The following ADAM22 variants were observed in gnomAD, a reference collection of about 807,000 sequenced individuals.
The protein encoded by ADAM22 is disintegrin and metalloproteinase domain-containing protein 22.
In ADAM22, 65 loss-of-function variants were observed where a neutral mutation model predicts 144.6. The observed-to-expected ratio is 0.45, with a 90% CI of 0.37 to 0.55. ADAM22 has a LOEUF of 0.55. Among genes scored for constraint, ADAM22 ranks in the 20% least tolerant of loss-of-function variants. The pLI is 0.00. For synonymous variants in ADAM22, 391 were observed against 412.6 expected (o/e 0.95, Z 0.63); for missense variants, 974 against 1,184.9 (o/e 0.82, Z 2.61).
intron 3 of ADAM22, among the ~76,000 whole-genome samples, chr7:88,013,340 TAATGACTTCTA>T (rs1339626746): frequency 1.2e-4 from 18 of 152,330 alleles, no homozygotes; most frequent in East Asian, 9.6e-4. Context: ...AAAATGAGGG[TAATGACTTCTA>T]AGCTCCTTAC....
intron 3 of ADAM22, among the ~76,000 whole-genome samples, chr7:87,981,653 A>C (rs1177218937): frequency 1.3e-5 from 2 of 152,126 alleles, no homozygotes; most frequent in African/African-American, 4.8e-5. Flanking sequence ...TAGAGAAAGC[A>C]TTTCCAATTA....
intron 3 of ADAM22, among the ~76,000 whole-genome samples, chr7:88,056,735 A>C (rs1353346164): frequency 2.0e-5 from 3 of 152,246 alleles, no homozygotes; most frequent in African/African-American, 4.8e-5. Context: ...TTCCACAAGA[A>C]AATTCACTCC....
intron 2 of ADAM22, among the ~76,000 whole-genome samples, chr7:87,971,840 A>G (rs930088475): frequency 1.3e-5 from 2 of 152,220 alleles, no homozygotes; most frequent in Non-Finnish European, 2.9e-5. Context: ...AAGCCTGATA[A>G]TATAGCAACT....
chr7:88,061,825 TTCTC>T (rs1280406569), intron 3 of ADAM22, among the ~76,000 whole-genome samples: 6 of 149,878 alleles, frequency 4.0e-5, no homozygotes, highest in South Asian at 2.1e-4. Context: ...TTCTCTTTCT[TTCTC>T]TCTCTCTCTC....
chr7:88,168,832 G>A (rs1333824593), intron 25 of ADAM22, among the ~76,000 whole-genome samples: 3 of 152,080 alleles, frequency 2.0e-5, no homozygotes, highest in East Asian at 1.9e-4. Context: ...CAGGCCTGGG[G>A]TTTTTCTCCA....
intron 29 of ADAM22, among the ~76,000 whole-genome samples, chr7:88,182,844 A>G (rs928322832): frequency 6.6e-6 from 1 of 151,964 alleles, no homozygotes; most frequent in Admixed American, 6.6e-5. Flanking sequence ...TACCCATTCT[A>G]TTTTATCCTT....
chr7:88,131,439 C>T lies in ADAM22; in HGVS notation c.992+4C>T, dbSNP rs199689664. The T allele has an allele frequency of 2.4e-5, 39 of 1,613,202 alleles. No homozygotes were observed. The highest frequency in any genetic ancestry group is 1.7e-4 in the Middle Eastern group (1 of 6,056). ...GTGATGCAGTTCACCTTTTTTCGTACGTAACTTCTGTAATGATGTATTACT... is the reference window on the plus strand; with the variant it reads ...GTGATGCAGTTCACCTTTTTTCGTATGTAACTTCTGTAATGATGTATTACT... On this transcript the variant is annotated splice_donor_region_variant and intron_variant, in intron 11 of 31. Coordinates refer to ENST00000413139, the MANE Select transcript of ADAM22 (RefSeq NM_001324418.2).
chr7:87,963,243 C>A (rs1848359643), intron 2 of ADAM22, among the ~76,000 whole-genome samples: 1 of 152,044 alleles, frequency 6.6e-6, no homozygotes, highest in Non-Finnish European at 1.5e-5. Flanking sequence ...CTAAGGATGG[C>A]CCTTCAGGGA....
At chr7:87,975,189 G>T (rs1362523876) in intron 2 of ADAM22, among the ~76,000 whole-genome samples, 1 of 152,132 alleles carries the variant, frequency 6.6e-6, no homozygotes, top group Non-Finnish European at 1.5e-5. Flanking sequence ...GGCCTTCTGA[G>T]ACACCCTTAG....
intron 3 of ADAM22, among the ~76,000 whole-genome samples, chr7:88,011,114 A>G (rs185766076): frequency 6.6e-6 from 1 of 152,254 alleles, no homozygotes; most frequent in Non-Finnish European, 1.5e-5. Flanking sequence ...GAATATAATT[A>G]GGAAAGCTAG....
chr7:88,171,491 A>G (rs1413203948), intron 25 of ADAM22, 53 bp from the exon 26 acceptor site: 2 of 1,534,480 alleles, frequency 1.3e-6, no homozygotes, highest in Non-Finnish European at 1.8e-6. Flanking sequence ...ATGTCCTTCC[A>G]GAGGTAACTA....
intron 1 of ADAM22, 60 bp downstream of exon 1, chr7:87,934,610 C>T (rs928443899): frequency 7.3e-6 from 11 of 1,503,714 alleles, no homozygotes; most frequent in Admixed American, 5.9e-5. Context: ...CTTTGGAGCC[C>T]TCAGGCGTAT....
chr7:88,142,876 T>C, intron 14 of ADAM22, 150 bp from the exon 15 acceptor site: 1 of 470,464 alleles, frequency 2.1e-6, no homozygotes, highest in Admixed American at 3.6e-5. Context: ...TGAACAAAAC[T>C]CTTATAGATT....
intron 18 of ADAM22, among the ~76,000 whole-genome samples, chr7:88,150,001 A>T (rs1437961909): frequency 6.6e-6 from 1 of 152,190 alleles, no homozygotes; most frequent in Non-Finnish European, 1.5e-5. Flanking sequence ...TGTGCTTTCA[A>T]TGTCATGAGA....
chr7:88,189,526 G>C (rs1849115273), intron 30 of ADAM22, among the ~76,000 whole-genome samples: 4 of 152,210 alleles, frequency 2.6e-5, no homozygotes. Context: ...CAGCTAGTAA[G>C]TGTCAGAACC....
At chr7:88,017,377 T>G (rs1196584174) in intron 3 of ADAM22, among the ~76,000 whole-genome samples, 1 of 152,110 alleles carries the variant, frequency 6.6e-6, no homozygotes, top group African/African-American at 2.4e-5. Context: ...TGTCACTGCA[T>G]CCCATAAATA....
At chr7:88,164,992 C>G (rs1842624508) in intron 23 of ADAM22, among the ~76,000 whole-genome samples, 1 of 151,972 alleles carries the variant, frequency 6.6e-6, no homozygotes, top group Admixed American at 6.6e-5. Context: ...CTGATTGAGG[C>G]TGTGTTATAG....
At chr7:88,152,200 A>T (rs1266509094) in intron 20 of ADAM22, among the ~76,000 whole-genome samples, 1 of 152,186 alleles carries the variant, frequency 6.6e-6, no homozygotes, top group Non-Finnish European at 1.5e-5. Flanking sequence ...TATCCACTTG[A>T]GCAAAAATAG....
chr7:88,006,674 A>G (rs1050086745), intron 3 of ADAM22, among the ~76,000 whole-genome samples: 14 of 148,784 alleles, frequency 9.4e-5, no homozygotes, highest in African/African-American at 2.9e-4. Flanking sequence ...CAATAGATGC[A>G]GAAAAGGCCT....
Sources: gnomAD v4.1 joint callset for allele counts (sites outside exome capture counted in the v4.1 genomes callset) on GRCh38, gnomAD v4.1.1 for gene constraint, MANE v1.5 for transcripts, NCBI Gene and HGNC (gene_info 2026-07-23, HGNC 2026-07-21) for gene names.